The following FBN1 variants were observed in gnomAD, a reference collection of about 807,000 sequenced individuals.
FBN1 encodes the protein fibrillin 1, also known as fibrillin-1.
A neutral mutation model predicts 365.1 loss-of-function variants in FBN1; 29 were observed. The observed-to-expected ratio is 0.08, with a 90% CI of 0.06 to 0.11. FBN1 has a LOEUF of 0.11. Ranked by LOEUF, FBN1 falls within the 10% of genes least tolerant of loss-of-function variation. The pLI is 1.00. For missense variants in FBN1, 2,476 were observed against 3,703.2 expected (o/e 0.67, Z 8.60); for synonymous variants, 1,210 against 1,270.5 (o/e 0.95, Z 1.01).
At chr15:48,614,519 G>A (rs1889612716) in intron 2 of FBN1, among the ~76,000 whole-genome samples, 1 of 152,096 alleles carries the variant, frequency 6.6e-6, no homozygotes. Flanking sequence ...TGTTGCTCCA[G>A]AAAATCTGGA....
chr15:48,442,039 G>A (rs977373903), intron 49 of FBN1, among the ~76,000 whole-genome samples, 193 bp from the exon 50 acceptor site: 3 of 152,226 alleles, frequency 2.0e-5, no homozygotes, highest in Non-Finnish European at 4.4e-5. Flanking sequence ...AGTTTTGACA[G>A]TTATTGATAT....
chr15:48,540,700 T>TA (rs1273572469), intron 6 of FBN1, among the ~76,000 whole-genome samples: 2 of 152,076 alleles, frequency 1.3e-5, no homozygotes, highest in Admixed American at 1.3e-4. Context: ...ATCTTTTATT[T>TA]AAAAAATAAA....
chr15:48,554,977 A>G (rs1045952480), intron 6 of FBN1, among the ~76,000 whole-genome samples: 10 of 152,206 alleles, frequency 6.6e-5, no homozygotes, highest in African/African-American at 2.4e-4. Flanking sequence ...AAACCTTTAT[A>G]CCCAACATGC....
In FBN1 at chr15:48,410,941, C is replaced by T. The variant is rs1194414727; in HGVS notation, c.*49G>A. 5 of 1,484,444 alleles carry T rather than the reference C, an allele frequency of 3.4e-6. No individual in the cohort carries two copies. Among genetic ancestry groups the T allele is most frequent in the East Asian group, 2.3e-5 (1 of 44,000 alleles). The allele number at this position is 1,484,444 out of a possible 1,614,324, so 92.0% of individuals were successfully genotyped here. On this transcript the variant is annotated 3_prime_UTR_variant, in exon 66 of 66. Coordinates refer to ENST00000316623, the MANE Select transcript of FBN1 (RefSeq NM_000138.5). ...CTGATTGGGGGAAAATATAGTTCTA[C>T]CTATCTATATTTGTTTTTCTTTTAA...
At chr15:48,641,238 A>G (rs1370151785) in intron 2 of FBN1, 1 of 152,146 alleles carries the variant, frequency 6.6e-6, no homozygotes, top group Admixed American at 6.5e-5. Flanking sequence ...GAAGCTGGGA[A>G]GAAACTTGAG....
chr15:48,553,977 TGC>T (rs2044161658), intron 6 of FBN1, among the ~76,000 whole-genome samples: 1 of 152,186 alleles, frequency 6.6e-6, no homozygotes, highest in African/African-American at 2.4e-5. Context: ...GGAAGACTTT[TGC>T]TTCATTTTAT....
chr15:48,566,740 T>C lies in FBN1; in HGVS notation c.539-28932A>G, dbSNP rs78687086. Among the ~76,000 whole-genome samples, 131 of 152,298 alleles carry C rather than the reference T, an allele frequency of 8.6e-4. No individual in the cohort carries two copies. The East Asian group carries it at 0.022, about 25-fold the overall frequency. ...CTTCTAGTTCAACCCCTTGGATTTA[T>C]AGAGGAACAGCTGGAGACCCAGAAA... On this transcript the variant is annotated intron_variant, in intron 6 of 65. Coordinates refer to ENST00000316623, the MANE Select transcript of FBN1 (RefSeq NM_000138.5).
intron 57 of FBN1, 45 bp from the exon 58 acceptor site, chr15:48,427,818 A>G: frequency 6.4e-7 from 1 of 1,569,608 alleles, no homozygotes; most frequent in Non-Finnish European, 8.7e-7. Context: ...GGAAATTTTA[A>G]GAGCAAACAA....
At chr15:48,604,714 G>A (rs2044593206) in intron 4 of FBN1, among the ~76,000 whole-genome samples, 1 of 152,184 alleles carries the variant, frequency 6.6e-6, no homozygotes, top group Non-Finnish European at 1.5e-5. Flanking sequence ...TCTCCTCCCA[G>A]TCCATATAAA....
At chr15:48,641,373 C>G (rs946279271) in intron 2 of FBN1, 4 of 151,492 alleles carry the variant, frequency 2.6e-5, no homozygotes, top group Non-Finnish European at 5.9e-5. Flanking sequence ...ATCCAGTGAG[C>G]AGAAAATGAG....
Position 48,495,265 on chromosome 15 carries a change from A to G in FBN1, c.2540-5T>C, listed in dbSNP as rs1261334001. 1.2e-6 allele frequency: 2 copies of G among 1,613,958 alleles called. No individual in the cohort carries two copies. The highest frequency in any genetic ancestry group is 1.7e-5 in the Admixed American group (1 of 60,030). On this transcript the variant is annotated splice_region_variant and splice_polypyrimidine_tract_variant and intron_variant, in intron 21 of 65. Transcript: ENST00000316623. ...AGCAAGTGCCCTTGATGGTTTCTGC[A>G]GAGGAGGGAATAATATTTAATAGAA...
intron 25 of FBN1, among the ~76,000 whole-genome samples, chr15:48,489,629 T>A (rs1225715267): frequency 2.0e-5 from 3 of 152,164 alleles, no homozygotes; most frequent in Non-Finnish European, 2.9e-5. Flanking sequence ...CTAGAAACTA[T>A]CTGAAACTAT....
chr15:48,641,918 T>C (rs1890205066), intron 2 of FBN1: 1 of 152,156 alleles, frequency 6.6e-6, no homozygotes, highest in African/African-American at 2.4e-5. Flanking sequence ...TTGCTTAAAA[T>C]CTATGGGAAA....
intron 3 of FBN1, 83 bp downstream of exon 3, chr15:48,612,927 A>T (rs1033198197): frequency 2.0e-6 from 2 of 996,974 alleles, no homozygotes; most frequent in Non-Finnish European, 3.2e-6. Context: ...GTACAGTTAC[A>T]AAAGGCCACA....
At chr15:48,621,270 A>T (rs1011206023) in intron 2 of FBN1, among the ~76,000 whole-genome samples, 1 of 152,220 alleles carries the variant, frequency 6.6e-6, no homozygotes, top group Non-Finnish European at 1.5e-5. Flanking sequence ...AGTACAGTAT[A>T]AAGGGAGGGG....
At position 48,481,713 on chromosome 15, in the gene FBN1, T is replaced by C. The variant is rs756186103; in HGVS notation, c.3906A>G (p.Ser1302=). 1.8e-5 allele frequency: 29 copies of C among 1,613,786 alleles called. No individual in the cohort carries two copies. Among genetic ancestry groups the C allele is most frequent in the Middle Eastern group, 1.6e-4 (1 of 6,084 alleles). ...AGCCCATATCACAGTGGCAGATAAATGAGCCTTTCGTGTTTTCACAGGTCC... is the reference window on the plus strand; with the variant it reads ...AGCCCATATCACAGTGGCAGATAAACGAGCCTTTCGTGTTTTCACAGGTCC... ...LSGTCENTKG[S]FICHCDMGYS... Residue 1302 remains serine, a synonymous_variant, in exon 32 of 66, where the codon TCA becomes TCG. Coordinates refer to ENST00000316623, the MANE Select transcript of FBN1 (RefSeq NM_000138.5).
rs1206657211 is a variant in FBN1 at position 48,445,971 on chromosome 15, G to C, written c.5789-467C>G. Among the ~76,000 whole-genome samples the C allele has an allele frequency of 2.0e-5, 3 of 152,054 alleles. No individual in the cohort carries two copies. The East Asian group carries it at 5.8e-4, about 29-fold the overall frequency. On this transcript the variant is annotated intron_variant, in intron 47 of 65. Transcript: ENST00000316623. ...TAGAAGGAGATTCTGTAGATTCAAT[G>C]ATTTATTTAAGAGAGGCTACATGAA...
intron 64 of FBN1, among the ~76,000 whole-genome samples, chr15:48,414,520 G>A (rs564297175): frequency 1.3e-5 from 2 of 152,208 alleles, no homozygotes; most frequent in South Asian, 2.1e-4. Flanking sequence ...GTGGACACCC[G>A]AGTCCAGATT....
intron 10 of FBN1, among the ~76,000 whole-genome samples, chr15:48,518,421 A>G (rs1400613777): frequency 1.3e-5 from 2 of 152,248 alleles, no homozygotes; most frequent in Admixed American, 6.5e-5. Flanking sequence ...CAGTTACATT[A>G]AGGAACTCAC....
Sources: allele counts gnomAD v4.1 joint callset (sites outside exome capture counted in the v4.1 genomes callset), GRCh38; gene constraint gnomAD v4.1.1; transcripts MANE v1.5; gene names NCBI Gene and HGNC (gene_info 2026-07-23, HGNC 2026-07-21).